Variants in LUZP2 observed in about 807,000 individuals in gnomAD.
LUZP2 encodes the protein leucine zipper protein 2.
A neutral mutation model predicts 51.6 loss-of-function variants in LUZP2; 52 were observed. The observed-to-expected ratio is 1.01, with a 90% CI of 0.81 to 1.27. LUZP2 has a LOEUF of 1.27. Among genes scored for constraint, LUZP2 ranks in the 50% most tolerant of loss-of-function variants. The probability of loss-of-function intolerance (pLI) is 0.00; values close to 1 mark genes in which losing one functional copy is unlikely to be tolerated. For synonymous variants in LUZP2, 154 were observed against 137.3 expected (o/e 1.12, Z -0.85); for missense variants, 436 against 395.4 (o/e 1.10, Z -0.87).
At chr11:24,633,964 G>GTATATATATATATATATATA in intron 1 of LUZP2, among the ~76,000 whole-genome samples, 1 of 149,136 alleles carries the variant, frequency 6.7e-6, no homozygotes, top group Non-Finnish European at 1.5e-5. Flanking sequence ...GTGTGTGTGT[G>GTATATATATATATATATATA]TATATATAGT....
chr11:24,754,922 G>T (rs753516347), intron 4 of LUZP2, among the ~76,000 whole-genome samples: 2 of 152,148 alleles, frequency 1.3e-5, no homozygotes, highest in African/African-American at 2.4e-5. Context: ...GAGGTGGGTG[G>T]ATCGCCTGAG....
At chr11:24,679,166 A>C (rs1222948578) in intron 1 of LUZP2, among the ~76,000 whole-genome samples, 1 of 152,216 alleles carries the variant, frequency 6.6e-6, no homozygotes, top group Non-Finnish European at 1.5e-5. Context: ...GAATACAGTG[A>C]GCCTCATCAG....
At chr11:24,915,002 A>G (rs1274008975) in intron 7 of LUZP2, among the ~76,000 whole-genome samples, 4 of 152,200 alleles carry the variant, frequency 2.6e-5, no homozygotes, top group African/African-American at 7.2e-5. Flanking sequence ...CAACTTTCAG[A>G]TATTATCAAG....
intron 1 of LUZP2, among the ~76,000 whole-genome samples, chr11:24,567,201 G>A (rs1421280799): frequency 4.7e-5 from 7 of 149,546 alleles, no homozygotes; most frequent in Admixed American, 2.0e-4. Context: ...TCACCTAAAT[G>A]AAATAAAATT....
intron 1 of LUZP2, among the ~76,000 whole-genome samples, chr11:24,724,426 G>A (rs1320524035): frequency 1.3e-5 from 2 of 151,952 alleles, no homozygotes; most frequent in African/African-American, 4.8e-5. Flanking sequence ...AAAAAAATTA[G>A]CTGGGGGTAG....
At chr11:25,046,668 A>C (rs149232640) in intron 9 of LUZP2, among the ~76,000 whole-genome samples, 1 of 152,310 alleles carries the variant, frequency 6.6e-6, no homozygotes, top group Non-Finnish European at 1.5e-5. Flanking sequence ...GGTGATTAGA[A>C]TGATATGAGT....
At chr11:25,077,125 C>T (rs112096550) in intron 10 of LUZP2, among the ~76,000 whole-genome samples, 1,733 of 152,258 alleles carry the variant, frequency 0.011, 32 homozygotes, top group African/African-American at 0.039. Flanking sequence ...CCACTGTGAT[C>T]CCCAAACCAG....
intron 9 of LUZP2, among the ~76,000 whole-genome samples, chr11:24,999,584 T>A (rs867269845): frequency 7.3e-5 from 11 of 150,770 alleles, no homozygotes; most frequent in Middle Eastern, 6.4e-3. Flanking sequence ...ACCAGGATGG[T>A]CTTAATCCCT....
At chr11:24,902,652 A>G (rs191962934) in intron 5 of LUZP2, among the ~76,000 whole-genome samples, 5 of 152,318 alleles carry the variant, frequency 3.3e-5, no homozygotes, top group African/African-American at 1.2e-4. Context: ...ATTCTGAGAA[A>G]TCAGTGTGAG....
intron 5 of LUZP2, among the ~76,000 whole-genome samples, chr11:24,794,265 A>G (rs1378176954): frequency 2.6e-5 from 4 of 152,122 alleles, no homozygotes; most frequent in Admixed American, 6.6e-5. Context: ...CACATATTCT[A>G]CTGATATATT....
At chr11:24,680,989 T>A (rs1269872762) in intron 1 of LUZP2, among the ~76,000 whole-genome samples, 2 of 150,626 alleles carry the variant, frequency 1.3e-5, no homozygotes, top group Non-Finnish European at 3.0e-5. Flanking sequence ...TTTTTTTTTT[T>A]TTTGAGACGG....
chr11:24,729,769 AT>A (rs1446836616), intron 2 of LUZP2, among the ~76,000 whole-genome samples: 1 of 151,892 alleles, frequency 6.6e-6, no homozygotes, highest in Non-Finnish European at 1.5e-5. Context: ...TAGGGTAAAA[AT>A]AGTTTCATAA....
chr11:24,910,152 AT>A (rs1853579717), intron 6 of LUZP2, among the ~76,000 whole-genome samples: 1 of 152,116 alleles, frequency 6.6e-6, no homozygotes, highest in Admixed American at 6.6e-5. Flanking sequence ...GTGAGAGATA[AT>A]TTAGGGTAAC....
intron 5 of LUZP2, among the ~76,000 whole-genome samples, chr11:24,789,217 C>A (rs2134091105): frequency 6.6e-6 from 1 of 152,234 alleles, no homozygotes; most frequent in East Asian, 1.9e-4. Flanking sequence ...AAATGCTAAT[C>A]TTTGGCAGCA....
intron 1 of LUZP2, among the ~76,000 whole-genome samples, chr11:24,510,870 A>G (rs1398390035): frequency 3.3e-5 from 5 of 152,172 alleles, no homozygotes; most frequent in African/African-American, 1.2e-4. Context: ...TAAGTTAGCC[A>G]TGTCAGTAAT....
intron 4 of LUZP2, among the ~76,000 whole-genome samples, chr11:24,739,511 T>C (rs1017570633): frequency 6.6e-6 from 1 of 151,994 alleles, no homozygotes; most frequent in African/African-American, 2.4e-5. Flanking sequence ...AAGCATATGA[T>C]TGGGTTGTTC....
intron 1 of LUZP2, chr11:24,646,632 C>A (rs1855470123): frequency 1.0e-6 from 1 of 980,472 alleles, no homozygotes; most frequent in Non-Finnish European, 1.2e-6. Context: ...GATTTTCATT[C>A]ATTCCTCTTT....
chr11:24,694,467 A>G (rs1341867800), intron 1 of LUZP2, among the ~76,000 whole-genome samples: 1 of 152,130 alleles, frequency 6.6e-6, no homozygotes, highest in African/African-American at 2.4e-5. Flanking sequence ...AACTCACTTT[A>G]GCAAATACTT....
At chr11:24,927,068 A>G (rs1186940130) in intron 7 of LUZP2, among the ~76,000 whole-genome samples, 3 of 149,502 alleles carry the variant, frequency 2.0e-5, no homozygotes, top group Non-Finnish European at 4.5e-5. Context: ...TTTTCTATTC[A>G]TGTTCTTAGC....
Sources: allele counts gnomAD v4.1 joint callset (sites outside exome capture counted in the v4.1 genomes callset), GRCh38; gene constraint gnomAD v4.1.1; transcripts MANE v1.5; gene names NCBI Gene and HGNC (gene_info 2026-07-23, HGNC 2026-07-21).